Variants in PCDHGB2 observed in about 807,000 individuals in gnomAD.
PCDHGB2 encodes protocadherin gamma subfamily B, 2, also known as protocadherin gamma-B2.
PCDHGB2 carries 55 observed loss-of-function variants against 59.3 expected under a neutral mutation model. The ratio of observed to expected loss-of-function variants is 0.93; its 90% CI spans 0.75 to 1.16. The LOEUF (loss-of-function observed/expected upper bound fraction) is 1.16, where lower values mean the gene tolerates loss of function less well. PCDHGB2 is among the 50% of genes most tolerant of loss of function. The probability of loss-of-function intolerance (pLI) is 0.00; values close to 1 mark genes in which losing one functional copy is unlikely to be tolerated. For synonymous variants in PCDHGB2, 516 were observed against 512.0 expected, an observed-to-expected ratio of 1.01 and a Z score of -0.11; for missense variants, 1,228 against 1,198.5, an observed-to-expected ratio of 1.02 and a Z score of -0.36.
At position 141,430,258 on chromosome 5, in the gene PCDHGB2, A is replaced by G. The variant is rs542653323; in HGVS notation, c.2422-64549A>G. On this transcript the variant is annotated intron_variant, in intron 1 of 3. Coordinates refer to ENST00000522605, the MANE Select transcript of PCDHGB2 (RefSeq NM_018923.3). ...GAGAAACTCCTAGGGAGACATCTCC[A>G]TAATAGGTGTGTTGGGGGAACAGTA... is the stretch of plus-strand genomic sequence containing the variant. Among the ~76,000 whole-genome samples the G allele has an allele frequency of 5.4e-5, 8 of 148,074 alleles. No homozygotes were observed. In the South Asian group the frequency reaches 8.5e-4, roughly 16 times the overall value.
chr5:141,376,773 G>C (rs1773367206), intron 1 of PCDHGB2: 1 of 400,516 alleles, frequency 2.5e-6, no homozygotes, highest in South Asian at 3.1e-5. Context: ...TGCAAGCTCC[G>C]CTTCCCGGGT....
chr5:141,412,027 C>T (rs1360599996), intron 1 of PCDHGB2: 1 of 152,086 alleles, frequency 6.6e-6, no homozygotes, highest in Non-Finnish European at 1.5e-5. Context: ...ATCCTGTTCT[C>T]TGTGTGAAAG....
At chr5:141,427,509 G>T in intron 1 of PCDHGB2, 1 of 588,640 alleles carries the variant, frequency 1.7e-6, no homozygotes, top group Non-Finnish European at 3.2e-6. Flanking sequence ...TGGGACCCTG[G>T]ATTGGGAGCG....
At position 141,487,571 on chromosome 5, in the gene PCDHGB2, G is replaced by A; in HGVS notation, c.2422-7236G>A. The A allele has an allele frequency of 4.3e-6, 7 of 1,614,178 alleles. No individual in the cohort carries two copies. The highest frequency in any genetic ancestry group is 5.9e-6 in the Non-Finnish European group (7 of 1,180,038). On this transcript the variant is annotated intron_variant, in intron 1 of 3. Coordinates refer to ENST00000522605, the MANE Select transcript of PCDHGB2 (RefSeq NM_018923.3). This position sits in a 1 kb window ranked among gnomAD's most constrained non-coding sequence, Gnocchi z 5.0. ...CAGTGCACCTATGGCAGGGGAGCCTGTTCGCCCAAGCTGCCCACCCTCTGA... is the reference window on the plus strand; with the variant it reads ...CAGTGCACCTATGGCAGGGGAGCCTATTCGCCCAAGCTGCCCACCCTCTGA...
chr5:141,504,380 C>T (rs943816582), intron 2 of PCDHGB2, among the ~76,000 whole-genome samples: 1 of 152,088 alleles, frequency 6.6e-6, no homozygotes, highest in African/African-American at 2.4e-5. Flanking sequence ...GGTGGAGTCG[C>T]TGCCTCACAG....
chr5:141,422,626 C>A, intron 1 of PCDHGB2: 2 of 1,613,334 alleles, frequency 1.2e-6, no homozygotes, highest in Non-Finnish European at 1.7e-6. Flanking sequence ...CGAAAACAAC[C>A]CCAGGGGTGC....
intron 1 of PCDHGB2, among the ~76,000 whole-genome samples, chr5:141,481,293 TC>T (rs2099535148): frequency 6.6e-6 from 1 of 152,174 alleles, no homozygotes; most frequent in South Asian, 2.1e-4. Context: ...ATTTCAGTCA[TC>T]TAAGGGAAAA....
intron 1 of PCDHGB2, chr5:141,418,639 C>T (rs2096276711): frequency 6.2e-7 from 1 of 1,614,014 alleles, no homozygotes; most frequent in Non-Finnish European, 8.5e-7. Flanking sequence ...CAGGCACCTC[C>T]ATCCTGAGAG....
chr5:141,496,225 G>C (rs112222482), intron 2 of PCDHGB2, among the ~76,000 whole-genome samples: 178 of 152,276 alleles, frequency 1.2e-3, no homozygotes, highest in Non-Finnish European at 1.8e-3. Context: ...TGCTGAGACA[G>C]GAACCCCCTG....
intron 2 of PCDHGB2, among the ~76,000 whole-genome samples, chr5:141,498,421 A>C (rs1328848787): frequency 6.6e-6 from 1 of 152,016 alleles, no homozygotes; most frequent in Non-Finnish European, 1.5e-5. Flanking sequence ...CTGGCACTGG[A>C]GTGAGGGGAT....
chr5:141,411,174 A>T (rs574627520), intron 1 of PCDHGB2: 4 of 152,400 alleles, frequency 2.6e-5, no homozygotes, highest in African/African-American at 7.2e-5. Flanking sequence ...GAACAGAAGC[A>T]GTGGTCTTGG....
chr5:141,416,006 G>A, intron 1 of PCDHGB2: 1 of 253,216 alleles, frequency 3.9e-6, no homozygotes, highest in Non-Finnish European at 7.3e-6. Context: ...GGTCTGGTAA[G>A]AATAGGTAAG....
In PCDHGB2 at chr5:141,362,527, G is replaced by A. The variant is rs1272837280; in HGVS notation, c.2392G>A (p.Val798Ile). ...AAATACAAATCATGGAGCCGCTGGG[G>A]TCCCTTTTGCCTCAGATACTATTTT... ...EQNTNHGAAGVPFASDTILKQ... is the reference protein window; with the variant it reads ...EQNTNHGAAGIPFASDTILKQ... Residue 798 changes from valine (V) to isoleucine (I), a missense_variant, in exon 1 of 4, where the codon GTC becomes ATC. Val to Ile is a conservative substitution (Grantham distance 29). Around this residue, in one of 3 missense-constraint regions of PCDHGB2, gnomAD observed 433 missense variants for 441.8 expected, o/e 0.98. Coordinates refer to ENST00000522605, the MANE Select transcript of PCDHGB2 (RefSeq NM_018923.3). 1.2e-6 allele frequency: 2 copies of A among 1,613,974 alleles called. No individual in the cohort carries two copies. Among genetic ancestry groups the A allele is most frequent in the Non-Finnish European group, 8.5e-7 (1 of 1,179,894 alleles).
At chr5:141,429,489 A>G (rs2097218567) in intron 1 of PCDHGB2, among the ~76,000 whole-genome samples, 1 of 152,062 alleles carries the variant, frequency 6.6e-6, no homozygotes, top group South Asian at 2.1e-4. Context: ...AGCTGAGACT[A>G]CAGTTGCCTG....
intron 1 of PCDHGB2, chr5:141,414,301 C>A (rs199806270): frequency 1.1e-5 from 18 of 1,613,280 alleles, no homozygotes; most frequent in Non-Finnish European, 1.7e-6. Flanking sequence ...TTTAAATGTG[C>A]ATGATTTAGA....
intron 1 of PCDHGB2, chr5:141,399,850 C>G (rs768366007): frequency 1.2e-6 from 2 of 1,612,828 alleles, no homozygotes; most frequent in Non-Finnish European, 1.7e-6. Context: ...CGATATGGTG[C>G]CGCGCGCTGC....
chr5:141,486,408 C>T lies in PCDHGB2; in HGVS notation c.2422-8399C>T. On this transcript the variant is annotated intron_variant, in intron 1 of 3. Coordinates refer to ENST00000522605, the MANE Select transcript of PCDHGB2 (RefSeq NM_018923.3). This position sits in a 1 kb window ranked among gnomAD's most constrained non-coding sequence, Gnocchi z 5.0. ...CAGTTCTCCCTGGTGACTGCTGGAC[C>T]CTTGGATCGAGAGGCCAAATCTAGC... is the stretch of plus-strand genomic sequence containing the variant. The T allele has an allele frequency of 1.2e-6, 2 of 1,614,156 alleles. No individual in the cohort carries two copies. Among genetic ancestry groups the T allele is most frequent in the South Asian group, 2.2e-5 (2 of 91,084 alleles).
chr5:141,422,150 T>C (rs773805631), intron 1 of PCDHGB2: 23 of 1,577,056 alleles, frequency 1.5e-5, no homozygotes, highest in Non-Finnish European at 1.8e-5. Context: ...CGGGGGTCTC[T>C]GGATTTTGAA....
At chr5:141,422,723 G>T in intron 1 of PCDHGB2, 1 of 1,605,958 alleles carries the variant, frequency 6.2e-7, no homozygotes, top group South Asian at 1.1e-5. Flanking sequence ...ACTGTCCAGG[G>T]GGTGCCTCTG....
Sources: allele counts gnomAD v4.1 joint callset (sites outside exome capture counted in the v4.1 genomes callset), GRCh38; gene constraint gnomAD v4.1.1; regional missense constraint gnomAD v4.1.1; non-coding constraint Gnocchi (gnomAD v3.1); transcripts MANE v1.5; gene names NCBI Gene and HGNC (gene_info 2026-07-23, HGNC 2026-07-21).